MORN5: variants seen among roughly 807,000 people sequenced by gnomAD.
The protein encoded by MORN5 is MORN repeat containing 5.
In MORN5, 21 loss-of-function variants were observed where a neutral mutation model predicts 22.1. The observed-to-expected ratio is 0.95, with a 90% CI of 0.67 to 1.37. MORN5 has a LOEUF of 1.37. Ranked by LOEUF, MORN5 falls within the 40% of genes most tolerant of loss-of-function variation. MORN5 has a pLI of 0.00. For missense variants in MORN5, 211 were observed against 215.1 expected (o/e 0.98, Z 0.12); for synonymous variants, 73 against 74.0 (o/e 0.99, Z 0.07).
At chr9:122,181,616 G>A (rs190980697) in intron 4 of MORN5, among the ~76,000 whole-genome samples, 162 of 152,316 alleles carry the variant, frequency 1.1e-3, no homozygotes, top group Middle Eastern at 3.4e-3. Context: ...AGAGGCTGGG[G>A]AGCTGAGAGA....
In MORN5 at chr9:122,197,291, C is replaced by T. The variant is rs559538386; in HGVS notation, c.440-2594C>T. On this transcript the variant is annotated intron_variant, in intron 4 of 4. Coordinates refer to ENST00000373764, the MANE Select transcript of MORN5 (RefSeq NM_198469.4). This position sits in a 1 kb window ranked among gnomAD's most constrained non-coding sequence, Gnocchi z 5.7. The stretch of plus-strand genomic sequence containing the variant: ...TTTTTTCTCCCTCCTTTCCCTCTCC[C>T]CCTCCTACCAAAAAAGGGGAGAAAT... 6.6e-6 allele frequency among the ~76,000 whole-genome samples: 1 copy of T among 152,078 alleles called. No homozygotes were observed. Among genetic ancestry groups the T allele is most frequent in the Non-Finnish European group, 1.5e-5 (1 of 68,000 alleles).
chr9:122,196,490 C>T (rs777167939), intron 4 of MORN5, among the ~76,000 whole-genome samples: 25 of 152,012 alleles, frequency 1.6e-4, no homozygotes, highest in East Asian at 5.8e-4. Context: ...CCCACCACCA[C>T]GCCCAGCTAA....
chr9:122,181,166 TTTTG>T (rs1246805488), intron 4 of MORN5, among the ~76,000 whole-genome samples: 3 of 152,210 alleles, frequency 2.0e-5, no homozygotes, highest in African/African-American at 7.2e-5. Flanking sequence ...TGGTTGCAGT[TTTTG>T]TTTGGTTGGT....
chr9:122,195,299 T>C (rs933570396), intron 4 of MORN5, among the ~76,000 whole-genome samples: 1 of 152,214 alleles, frequency 6.6e-6, no homozygotes, highest in East Asian at 1.9e-4. Context: ...GTTATGACTG[T>C]CTTACATTGG....
intron 4 of MORN5, among the ~76,000 whole-genome samples, chr9:122,199,625 G>C (rs2118796340): frequency 6.6e-6 from 1 of 152,318 alleles, no homozygotes; most frequent in East Asian, 1.9e-4. Flanking sequence ...GATGAGTCCA[G>C]CTTAGGGTGG....
chr9:122,175,721 C>A (rs1455864417), intron 4 of MORN5: 1 of 983,038 alleles, frequency 1.0e-6, no homozygotes, highest in Non-Finnish European at 1.2e-6. Context: ...CCAGGTAGAC[C>A]AGAACATCTG....
At chr9:122,181,466 C>G (rs1396821512) in intron 4 of MORN5, among the ~76,000 whole-genome samples, 4 of 152,234 alleles carry the variant, frequency 2.6e-5, no homozygotes, top group Non-Finnish European at 5.9e-5. Flanking sequence ...GCCCAGTGGT[C>G]TCTCCGCTAC....
intron 2 of MORN5, among the ~76,000 whole-genome samples, chr9:122,167,803 C>T (rs1346446236): frequency 1.3e-5 from 2 of 152,010 alleles, no homozygotes; most frequent in East Asian, 3.9e-4. Context: ...AATAAGTCAG[C>T]AAGCCTGCAT....
At chr9:122,175,081 G>T (rs887477127) in intron 4 of MORN5, among the ~76,000 whole-genome samples, 16 of 152,164 alleles carry the variant, frequency 1.1e-4, no homozygotes, top group African/African-American at 3.9e-4. Context: ...GGAAAAACAT[G>T]GTCCTGTGGG....
intron 4 of MORN5, among the ~76,000 whole-genome samples, chr9:122,188,679 C>T (rs1829695218): frequency 6.6e-6 from 1 of 152,202 alleles, no homozygotes; most frequent in Non-Finnish European, 1.5e-5. Context: ...GCATCATGAA[C>T]ATGTTTAGTG....
At chr9:122,180,202 C>T (rs1829515518) in intron 4 of MORN5, among the ~76,000 whole-genome samples, 2 of 151,840 alleles carry the variant, frequency 1.3e-5, no homozygotes, top group Middle Eastern at 3.4e-3. Context: ...GAATGTTTTA[C>T]ATCATGACCC....
At chr9:122,178,061 A>C (rs1344611001) in intron 4 of MORN5, among the ~76,000 whole-genome samples, 1 of 152,242 alleles carries the variant, frequency 6.6e-6, no homozygotes, top group African/African-American at 2.4e-5. Context: ...AAATTAGTTA[A>C]TAAAAACAAA....
In MORN5 at chr9:122,188,922, C is replaced by T. The variant is rs148437576; in HGVS notation, c.440-10963C>T. Among the ~76,000 whole-genome samples, 3 of 152,228 alleles carry T rather than the reference C, an allele frequency of 2.0e-5. No homozygotes were observed. The East Asian group carries it at 5.8e-4, about 29-fold the overall frequency. On this transcript the variant is annotated intron_variant, in intron 4 of 4. Coordinates refer to ENST00000373764, the MANE Select transcript of MORN5 (RefSeq NM_198469.4). ...GCATTTAAAGATATGTACCTGGACACGGTGGCTCAAATCTGTAATCCTAGC... is the reference window on the plus strand; with the variant it reads ...GCATTTAAAGATATGTACCTGGACATGGTGGCTCAAATCTGTAATCCTAGC...
At chr9:122,168,740 A>G (rs1829323541) in intron 2 of MORN5, among the ~76,000 whole-genome samples, 1 of 152,206 alleles carries the variant, frequency 6.6e-6, no homozygotes, top group African/African-American at 2.4e-5. Flanking sequence ...TAAAAGAATA[A>G]TAACATTTAT....
At chr9:122,185,527 A>T (rs1027567909) in intron 4 of MORN5, among the ~76,000 whole-genome samples, 2 of 134,414 alleles carry the variant, frequency 1.5e-5, no homozygotes, top group African/African-American at 3.1e-5. Context: ...CAACTGGCCA[A>T]TTTTTTGTAT....
intron 4 of MORN5, among the ~76,000 whole-genome samples, chr9:122,191,467 C>T (rs1189093774): frequency 6.6e-6 from 1 of 152,218 alleles, no homozygotes; most frequent in East Asian, 1.9e-4. Context: ...GAGACAGCCC[C>T]ATCTCACTCA....
intron 4 of MORN5, among the ~76,000 whole-genome samples, chr9:122,195,951 C>T (rs1195367179): frequency 1.0e-5 from 1 of 98,020 alleles, no homozygotes; most frequent in Non-Finnish European, 2.0e-5. Flanking sequence ...TTTCTAGGAA[C>T]CTAGAAATTT....
At chr9:122,179,790 C>T (rs1455339927) in intron 4 of MORN5, among the ~76,000 whole-genome samples, 1 of 152,216 alleles carries the variant, frequency 6.6e-6, no homozygotes, top group Non-Finnish European at 1.5e-5. Flanking sequence ...GGGACTGATT[C>T]AGGCTTCTGT....
At chr9:122,196,504 T>C (rs542864706) in intron 4 of MORN5, among the ~76,000 whole-genome samples, 1 of 152,170 alleles carries the variant, frequency 6.6e-6, no homozygotes, top group Non-Finnish European at 1.5e-5. Flanking sequence ...CAGCTAATTT[T>C]TGTATTTTTG....
Sources: allele counts gnomAD v4.1 joint callset (sites outside exome capture counted in the v4.1 genomes callset), GRCh38; gene constraint gnomAD v4.1.1; non-coding constraint Gnocchi (gnomAD v3.1); transcripts MANE v1.5; gene names NCBI Gene and HGNC (gene_info 2026-07-23, HGNC 2026-07-21).